SNRPA: variants seen among roughly 807,000 people sequenced by gnomAD.
The protein encoded by SNRPA is U1 small nuclear ribonucleoprotein A.
Under a neutral mutation model 24.5 loss-of-function variants are expected in SNRPA, and 10 were observed. The observed-to-expected ratio is 0.41, with a 90% CI of 0.25 to 0.69. SNRPA has a LOEUF of 0.69. Ranked by LOEUF, SNRPA falls within the 30% of genes least tolerant of loss-of-function variation. SNRPA has a pLI of 0.33. For missense variants in SNRPA, 283 were observed against 394.7 expected (o/e 0.72, Z 2.40); for synonymous variants, 165 against 148.4 (o/e 1.11, Z -0.81).
chr19:40,753,044 T>G (rs1599725511), intron 1 of SNRPA, among the ~76,000 whole-genome samples: 3 of 152,252 alleles, frequency 2.0e-5, no homozygotes, highest in Admixed American at 2.0e-4. Flanking sequence ...AGGTTACCAG[T>G]GAAGTTGCTG....
chr19:40,754,067 C>CT (rs2082897759), intron 1 of SNRPA, among the ~76,000 whole-genome samples: 1 of 146,846 alleles, frequency 6.8e-6, no homozygotes, highest in Admixed American at 7.0e-5. Context: ...TCCAAAAGTG[C>CT]TGGGATTACA....
At chr19:40,756,044 A>C (rs2082907166) in intron 1 of SNRPA, among the ~76,000 whole-genome samples, 1 of 152,046 alleles carries the variant, frequency 6.6e-6, no homozygotes, top group Non-Finnish European at 1.5e-5. Flanking sequence ...AAGCCAAGGC[A>C]GGAGGATCAC....
chr19:40,752,569 C>T (rs1006286518), intron 1 of SNRPA, among the ~76,000 whole-genome samples: 1 of 106,046 alleles, frequency 9.4e-6, no homozygotes. Context: ...AAAGCCAGAC[C>T]TTTTCTCTAC....
chr19:40,764,480 GAGAA>G (rs1488998394), intron 5 of SNRPA, among the ~76,000 whole-genome samples: 1 of 152,186 alleles, frequency 6.6e-6, no homozygotes, highest in Non-Finnish European at 1.5e-5. Context: ...CTGCTTAATG[GAGAA>G]AGAAGTATGG....
At chr19:40,763,554 C>G in intron 4 of SNRPA, 33 bp from the exon 5 acceptor site, 1 of 1,579,710 alleles carries the variant, frequency 6.3e-7, no homozygotes, top group Non-Finnish European at 8.7e-7. Flanking sequence ...ACTCAGGGCT[C>G]TTGTGCTCAC....
chr19:40,754,100 GTT>G (rs57361537), intron 1 of SNRPA, among the ~76,000 whole-genome samples: 1 of 117,994 alleles, frequency 8.5e-6, no homozygotes. Context: ...AGCGCCCGGC[GTT>G]TTTTTTTTTT....
intron 3 of SNRPA, among the ~76,000 whole-genome samples, chr19:40,761,327 G>A (rs1254245713): frequency 5.3e-5 from 8 of 151,894 alleles, no homozygotes; most frequent in African/African-American, 2.4e-5. Context: ...GGGCAGTTGG[G>A]TATCTGCAAG....
At chr19:40,761,517 A>AG (rs2082932795) in intron 3 of SNRPA, among the ~76,000 whole-genome samples, 1 of 114,634 alleles carries the variant, frequency 8.7e-6, no homozygotes, top group Admixed American at 1.4e-4. Flanking sequence ...TCCAGGCTGG[A>AG]GTGCAGTGGT....
chr19:40,765,259 G>A lies in SNRPA; in HGVS notation c.*92G>A. On this transcript the variant is annotated 3_prime_UTR_variant, in exon 6 of 6. Coordinates refer to ENST00000243563, the MANE Select transcript of SNRPA (RefSeq NM_004596.5). Reference sequence around the variant, plus strand: ...CCCCTGAAGGTAAGTCCCCCCTTGGGGGCCTTCTTGGAGCCGTGTGTGAGT... The same window carrying A: ...CCCCTGAAGGTAAGTCCCCCCTTGGAGGCCTTCTTGGAGCCGTGTGTGAGT... The A allele has an allele frequency of 1.2e-6, 1 of 831,514 alleles. No homozygotes were observed. The allele number at this position is 831,514 out of a possible 1,614,324, so 51.5% of individuals were successfully genotyped here. A position where few individuals can be genotyped will look rare whatever the true frequency, so the allele number is the denominator to read the frequency against.
intron 1 of SNRPA, among the ~76,000 whole-genome samples, chr19:40,754,834 T>C (rs1360042569): frequency 6.6e-6 from 1 of 151,904 alleles, no homozygotes; most frequent in Non-Finnish European, 1.5e-5. Context: ...GGAGGGTAAA[T>C]GCGAATGGGC....
At chr19:40,761,963 C>G (rs1386463775) in intron 3 of SNRPA, among the ~76,000 whole-genome samples, 1 of 152,138 alleles carries the variant, frequency 6.6e-6, no homozygotes, top group Admixed American at 6.6e-5. Context: ...TCTCATGGCT[C>G]TGACTGGGTC....
rs1316415919 is a variant in SNRPA, at chr19:40,763,733, A to G, written c.689+58A>G. On this transcript the variant is annotated intron_variant, in intron 5 of 5. Transcript: ENST00000243563. ...AGGGTGATGGCCAGGAGGCATCTCCATGGAAACAGGCCTCAGAACTCTGCC... is the reference window on the plus strand; with the variant it reads ...AGGGTGATGGCCAGGAGGCATCTCCGTGGAAACAGGCCTCAGAACTCTGCC... 3 of 1,374,284 alleles carry G rather than the reference A, an allele frequency of 2.2e-6. No individual in the cohort carries two copies. The African/African-American group carries it at 4.3e-5, about 20-fold the overall frequency. The allele number at this position is 1,374,284 out of a possible 1,614,324, so 85.1% of individuals were successfully genotyped here.
chr19:40,752,348 GAAAGA>G (rs1030935268), intron 1 of SNRPA, among the ~76,000 whole-genome samples: 6 of 150,108 alleles, frequency 4.0e-5, no homozygotes, highest in African/African-American at 1.0e-4. Context: ...AAAAAAAAAA[GAAAGA>G]AAAGAAAAAG....
chr19:40,764,261 G>A (rs2082945207), intron 5 of SNRPA, among the ~76,000 whole-genome samples: 1 of 152,142 alleles, frequency 6.6e-6, no homozygotes, highest in East Asian at 1.9e-4. Flanking sequence ...GTGTCTGGGA[G>A]AAGGGATGGC....
At position 40,759,373 on chromosome 19, in the gene SNRPA, T is replaced by A. The variant is rs1051402937; in HGVS notation, c.247-58T>A. On this transcript the variant is annotated intron_variant, in intron 2 of 5. Coordinates refer to ENST00000243563, the MANE Select transcript of SNRPA (RefSeq NM_004596.5). ...CCCCTGATAAAGGTCCAATTTTGAATCTTGGCAATTGGGCTCTGAATCCAC... is the reference window on the plus strand; with the variant it reads ...CCCCTGATAAAGGTCCAATTTTGAAACTTGGCAATTGGGCTCTGAATCCAC... The A allele has an allele frequency of 1.2e-5, 18 of 1,501,332 alleles. No individual in the cohort carries two copies. The East Asian group carries it at 4.3e-4, about 36-fold the overall frequency. 93.0% of individuals were successfully genotyped at this position (1,501,332 alleles called of 1,614,324 possible).
Position 40,762,989 on chromosome 19 carries a change from C to A in SNRPA, c.515C>A (p.Pro172Gln), listed in dbSNP as rs774679356. 2.2e-5 allele frequency: 35 copies of A among 1,611,762 alleles called. No individual in the cohort carries two copies. Among genetic ancestry groups the A allele is most frequent in the Non-Finnish European group, 2.9e-5 (34 of 1,178,522 alleles). Residue 172 changes from proline to glutamine, a missense_variant, in exon 4 of 6, where the codon CCG becomes CAG. Around this residue, in one of 6 missense-constraint regions of SNRPA, gnomAD observed 167 missense variants for 174.3 expected, o/e 0.96. Transcript: ENST00000243563. ...ATGCCGCCCCCTGGTATGATCCCCC[C>A]GCCAGGCCTTGCACCTGGCCAGATC... ...PYMPPPGMIP[P>Q]PGLAPGQIPP...
Position 40,757,315 on chromosome 19 carries a change from T to C in SNRPA, c.74-17T>C. The C allele has an allele frequency of 6.2e-7, 1 of 1,613,652 alleles. No individual in the cohort carries two copies. The highest frequency in any genetic ancestry group is 8.5e-7 in the Non-Finnish European group (1 of 1,179,814). ...CTAAAAAGGGGAGCTCAAAGGTCTT[T>C]TTTTCCCCCACTGCAGAGCTAAAAA... On this transcript the variant is annotated splice_polypyrimidine_tract_variant and intron_variant, in intron 1 of 5. Transcript: ENST00000243563.
rs149795031 is a variant in SNRPA at position 40,752,892 on chromosome 19, G to A, written c.73+1411G>A. ...ATAATACCTTTTTTGCATGGATGTT[G>A]GGGGAGATTAAATTAGCTAAACCTT... On this transcript the variant is annotated intron_variant, in intron 1 of 5. Transcript: ENST00000243563. Among the ~76,000 whole-genome samples the A allele has an allele frequency of 2.8e-3, 434 of 152,288 alleles. 4 individuals are homozygous for A. Among genetic ancestry groups the A allele is most frequent in the African/African-American group, 0.01 (423 of 41,550 alleles).
At chr19:40,757,691 C>A (rs1174014548) in intron 2 of SNRPA, among the ~76,000 whole-genome samples, 187 bp downstream of exon 2, 1 of 151,972 alleles carries the variant, frequency 6.6e-6, no homozygotes, top group African/African-American at 2.4e-5. Flanking sequence ...GTCTGTAATC[C>A]TGGCACTTTG....
Sources: gnomAD v4.1 joint callset for allele counts (sites outside exome capture counted in the v4.1 genomes callset) on GRCh38, gnomAD v4.1.1 for gene constraint, gnomAD v4.1.1 regional missense constraint, MANE v1.5 for transcripts, NCBI Gene and HGNC (gene_info 2026-07-23, HGNC 2026-07-21) for gene names.